The following RAD54B variants were observed in gnomAD, a reference collection of about 807,000 sequenced individuals.
RAD54B encodes the protein RAD54 homolog B.
A neutral mutation model predicts 95.8 loss-of-function variants in RAD54B; 78 were observed. The ratio of observed to expected loss-of-function variants is 0.81; its 90% CI spans 0.68 to 0.98. RAD54B has a LOEUF of 0.98. Ranked by LOEUF, RAD54B falls within the 50% of genes least tolerant of loss-of-function variation. The probability of loss-of-function intolerance (pLI) is 0.00; values close to 1 mark genes in which losing one functional copy is unlikely to be tolerated. For missense variants in RAD54B, 957 were observed against 1,056.6 expected (o/e 0.91, Z 1.31); for synonymous variants, 328 against 354.9 (o/e 0.92, Z 0.85).
chr8:94,426,266 A>T (rs892164342), intron 3 of RAD54B, among the ~76,000 whole-genome samples: 5 of 110,124 alleles, frequency 4.5e-5, no homozygotes, highest in South Asian at 6.2e-4. Context: ...TGCAAAAATT[A>T]AAAAAAAAAA....
chr8:94,422,651 T>TATATATATAA (rs556821145), intron 3 of RAD54B, among the ~76,000 whole-genome samples: 2 of 88,894 alleles, frequency 2.2e-5, no homozygotes, highest in Admixed American at 1.3e-4. Context: ...TATATATATA[T>TATATATATAA]ATAAAATTAT....
At chr8:94,458,152 A>T in intron 3 of RAD54B, 116 bp downstream of exon 3, 1 of 906,344 alleles carries the variant, frequency 1.1e-6, no homozygotes, top group Non-Finnish European at 1.6e-6. Context: ...CCAACAATGT[A>T]GTGGTATTAC....
In RAD54B at chr8:94,371,966, G is replaced by A. The variant is rs1641941403; in HGVS notation, c.*204C>T. On this transcript the variant is annotated 3_prime_UTR_variant, in exon 15 of 15. Coordinates refer to ENST00000336148, the MANE Select transcript of RAD54B (RefSeq NM_012415.3). ...AAGGAATTATTAACAATTATACAAT[G>A]ATATAAGCACATCTTTATTTTTCAT... 10 of 839,366 alleles carry A rather than the reference G, an allele frequency of 1.2e-5. No individual in the cohort carries two copies. Among genetic ancestry groups the A allele is most frequent in the Non-Finnish European group, 1.3e-5 (8 of 608,418 alleles). 52.0% of individuals were successfully genotyped at this position (839,366 alleles called of 1,614,324 possible).
chr8:94,467,644 G>GTTCCATCTTA, intron 1 of RAD54B, 89 bp from the exon 2 acceptor site: 2 of 1,344,974 alleles, frequency 1.5e-6, no homozygotes, highest in Non-Finnish European at 2.0e-6. Context: ...CAACTAAGAT[G>GTTCCATCTTA]GAACAGAAAC....
chr8:94,399,138 G>C (rs1364362096), intron 8 of RAD54B, among the ~76,000 whole-genome samples: 1 of 152,094 alleles, frequency 6.6e-6, no homozygotes, highest in African/African-American at 2.4e-5. Context: ...AGCTATGTCA[G>C]ACTCGGGAAC....
Position 94,407,586 on chromosome 8 carries a change from C to G in RAD54B, c.634G>C (p.Gly212Arg). Residue 212 changes from glycine to arginine, a missense_variant, in exon 5 of 15, where the codon GGA becomes CGA. Physicochemically the swap from Gly to Arg is moderately radical, Grantham distance 125 (BLOSUM62 -2). Coordinates refer to ENST00000336148, the MANE Select transcript of RAD54B (RefSeq NM_012415.3). ...GAATGCGAGATAGCAGTACTTCCTC[C>G]TCCAAGCTGAAAACACCTGCCACTG... is the stretch of plus-strand genomic sequence containing the variant. The part of the protein sequence containing the change: ...FSSGRCFQLG[G>R]GSTAISHSSQ... 2 of 1,613,976 alleles carry G rather than the reference C, an allele frequency of 1.2e-6. No homozygotes were observed. The highest frequency in any genetic ancestry group is 1.7e-6 in the Non-Finnish European group (2 of 1,179,926).
chr8:94,458,483 T>C, intron 2 of RAD54B, 47 bp from the exon 3 acceptor site: 1 of 1,233,886 alleles, frequency 8.1e-7, no homozygotes, highest in Non-Finnish European at 1.0e-6. Context: ...AACCTAATTT[T>C]CTGTATTTTC....
intron 3 of RAD54B, among the ~76,000 whole-genome samples, chr8:94,441,256 A>G (rs1053919402): frequency 2.0e-5 from 3 of 152,200 alleles, no homozygotes; most frequent in Non-Finnish European, 2.9e-5. Context: ...AGCTGAATAA[A>G]GCCCTTCCTT....
rs190662913 is a variant in RAD54B at position 94,409,355 on chromosome 8, C to T, written c.500-1635G>A. On this transcript the variant is annotated intron_variant, in intron 4 of 14. Transcript: ENST00000336148. Reference sequence around the variant, plus strand: ...CAAAGAAAGGTCAGAGTCTGGGCATCGGCATTTCTTTTCTTTTTCTTTCTT... The same window carrying T: ...CAAAGAAAGGTCAGAGTCTGGGCATTGGCATTTCTTTTCTTTTTCTTTCTT... Among the ~76,000 whole-genome samples the T allele has an allele frequency of 4.0e-5, 6 of 151,630 alleles. No homozygotes were observed. In the East Asian group the frequency reaches 1.2e-3, roughly 29 times the overall value.
chr8:94,392,129 A>G (rs536249275), intron 9 of RAD54B, among the ~76,000 whole-genome samples: 37 of 152,306 alleles, frequency 2.4e-4, no homozygotes, highest in African/African-American at 8.9e-4. Flanking sequence ...AAATAATGAT[A>G]TATCCTATAA....
intron 3 of RAD54B, among the ~76,000 whole-genome samples, 160 bp from the exon 4 acceptor site, chr8:94,411,475 GA>G (rs1811529432): frequency 6.6e-6 from 1 of 151,932 alleles, no homozygotes; most frequent in South Asian, 2.1e-4. Context: ...TATAAACTAA[GA>G]AATCCAAATA....
intron 3 of RAD54B, among the ~76,000 whole-genome samples, chr8:94,450,812 G>T (rs1057186932): frequency 2.0e-5 from 3 of 149,662 alleles, no homozygotes; most frequent in Non-Finnish European, 4.4e-5. Flanking sequence ...TCCAGAATGA[G>T]ACTGTCTCAA....
At chr8:94,426,119 A>AT (rs1330673660) in intron 3 of RAD54B, among the ~76,000 whole-genome samples, 5 of 151,870 alleles carry the variant, frequency 3.3e-5, no homozygotes, top group African/African-American at 1.2e-4. Context: ...CGCCCAGCTG[A>AT]TTTTTGTATT....
Position 94,458,469 on chromosome 8 carries a change from C to A in RAD54B, c.136-33G>T, listed in dbSNP as rs2919660. 0.38 allele frequency: 565,329 copies of A among 1,471,744 alleles called. 110,476 individuals carry two copies. The highest frequency in any genetic ancestry group is 0.56 in the Admixed American group (22,603 of 40,622). The allele number at this position is 1,471,744 out of a possible 1,614,324, so 91.2% of individuals were successfully genotyped here. On this transcript the variant is annotated intron_variant, in intron 2 of 14. Coordinates refer to ENST00000336148, the MANE Select transcript of RAD54B (RefSeq NM_012415.3). ...AAACAAATATATATTTAAATCAGAA[C>A]TCAAACCTAATTTTCTGTATTTTCT...
intron 3 of RAD54B, among the ~76,000 whole-genome samples, chr8:94,422,618 ATATATATATATATATATAT>A (rs1204667554): frequency 1.2e-4 from 3 of 24,140 alleles, no homozygotes; most frequent in Admixed American, 4.7e-4. Context: ...AAAAAAAAAA[ATATATATATATATATATAT>A]ATATATATAT....
At chr8:94,452,753 T>C (rs973904733) in intron 3 of RAD54B, among the ~76,000 whole-genome samples, 1 of 152,160 alleles carries the variant, frequency 6.6e-6, no homozygotes, top group African/African-American at 2.4e-5. Context: ...CATCTCGGCC[T>C]CCCAAAGTGC....
intron 3 of RAD54B, among the ~76,000 whole-genome samples, chr8:94,424,022 G>A (rs1311107514): frequency 6.6e-6 from 1 of 152,134 alleles, no homozygotes; most frequent in Non-Finnish European, 1.5e-5. Flanking sequence ...TATTACCAGG[G>A]TCTAAGAGAA....
intron 6 of RAD54B, among the ~76,000 whole-genome samples, chr8:94,403,171 G>A (rs1811301336): frequency 6.6e-6 from 1 of 152,074 alleles, no homozygotes; most frequent in South Asian, 2.1e-4. Context: ...AAGGGTCTTG[G>A]CATTTAAAAA....
chr8:94,380,126 A>G lies in RAD54B; in HGVS notation c.2247+19T>C. ...CTCAGGCATTCAATAATATCTATTT[A>G]ATGCATAAATATTCCTACCTGAATG... On this transcript the variant is annotated intron_variant, in intron 12 of 14. Coordinates refer to ENST00000336148, the MANE Select transcript of RAD54B (RefSeq NM_012415.3). 1 of 1,586,970 alleles carries G rather than the reference A, an allele frequency of 6.3e-7. No individual in the cohort carries two copies. Among genetic ancestry groups the G allele is most frequent in the Non-Finnish European group, 8.6e-7 (1 of 1,160,844 alleles).
Sources: gnomAD v4.1 joint callset for allele counts (sites outside exome capture counted in the v4.1 genomes callset) on GRCh38, gnomAD v4.1.1 for gene constraint, MANE v1.5 for transcripts, NCBI Gene and HGNC (gene_info 2026-07-23, HGNC 2026-07-21) for gene names.